Variants in CACNA2D3 observed in about 807,000 individuals in gnomAD.
The protein encoded by CACNA2D3 is calcium voltage-gated channel auxiliary subunit alpha2delta 3, also known as voltage-dependent calcium channel subunit alpha-2/delta-3.
CACNA2D3 carries 60 observed loss-of-function variants against 160.6 expected under a neutral mutation model. That is an observed-to-expected ratio of 0.37 (90% CI 0.30 to 0.46). The LOEUF is 0.46. Ranked by LOEUF, CACNA2D3 falls within the 20% of genes least tolerant of loss-of-function variation. The probability of loss-of-function intolerance (pLI) is 1.00; values close to 1 mark genes in which losing one functional copy is unlikely to be tolerated. For synonymous variants in CACNA2D3, 558 were observed against 492.9 expected, an observed-to-expected ratio of 1.13 and a Z score of -1.75; for missense variants, 1,205 against 1,365.0, an observed-to-expected ratio of 0.88 and a Z score of 1.85.
chr3:54,505,348 C>T (rs534032771), intron 5 of CACNA2D3, among the ~76,000 whole-genome samples: 1 of 152,188 alleles, frequency 6.6e-6, no homozygotes, highest in African/African-American at 2.4e-5. Flanking sequence ...TGGGACCTGT[C>T]TACTTCTTCA....
At chr3:54,788,084 G>A (rs1702675090) in intron 13 of CACNA2D3, among the ~76,000 whole-genome samples, 1 of 152,094 alleles carries the variant, frequency 6.6e-6, no homozygotes, top group Non-Finnish European at 1.5e-5. Context: ...TACTGTTACT[G>A]CATTTATATA....
intron 3 of CACNA2D3, among the ~76,000 whole-genome samples, chr3:54,374,991 G>C (rs1428293393): frequency 6.6e-6 from 1 of 152,126 alleles, no homozygotes; most frequent in Admixed American, 6.5e-5. Flanking sequence ...AGCCACTCAT[G>C]ATTGCCTGAA....
chr3:54,736,392 T>C (rs1701533118), intron 11 of CACNA2D3, among the ~76,000 whole-genome samples: 1 of 152,092 alleles, frequency 6.6e-6, no homozygotes, highest in Admixed American at 6.6e-5. Flanking sequence ...TTCTTTCTGC[T>C]AAATCTTCAT....
chr3:54,846,310 T>TA, intron 16 of CACNA2D3, 83 bp from the exon 17 acceptor site: 1 of 818,010 alleles, frequency 1.2e-6, no homozygotes, highest in Non-Finnish European at 2.0e-6. Context: ...AGCTGTAAAT[T>TA]ACTAAATGCC....
chr3:55,046,069 T>A (rs1704072787), intron 35 of CACNA2D3, among the ~76,000 whole-genome samples: 1 of 151,418 alleles, frequency 6.6e-6, no homozygotes, highest in Non-Finnish European at 1.5e-5. Context: ...CTAAAAATTT[T>A]GATAGGTTTT....
chr3:54,576,024 A>G (rs938862838), intron 8 of CACNA2D3, among the ~76,000 whole-genome samples: 7 of 152,192 alleles, frequency 4.6e-5, no homozygotes, highest in African/African-American at 1.4e-4. Flanking sequence ...CTGGTCAGCC[A>G]GGTGGAGGAA....
chr3:54,478,629 C>G (rs1264004917), intron 4 of CACNA2D3, among the ~76,000 whole-genome samples: 1 of 15,936 alleles, frequency 6.3e-5, no homozygotes, highest in Admixed American at 8.6e-4. Context: ...GAGACTCTGT[C>G]TCAAAAAAAT....
chr3:54,838,643 T>C lies in CACNA2D3; in HGVS notation c.1546T>C (p.Tyr516His). The change falls in exon 16 of 38, where the codon TAC becomes CAC. Residue 516 changes from tyrosine (Y) to histidine (H), a missense_variant. Physicochemically the swap from Tyr to His is moderately conservative, Grantham distance 83. Around this residue, in one of 3 missense-constraint regions of CACNA2D3, gnomAD observed 911 missense variants for 1,002.2 expected, o/e 0.91. Transcript: ENST00000474759. ...AGAACTTCTGAAGACCATCCCCAAA[T>C]ACAAGGTAATGAATGACCTAATCCC... ...VKELLKTIPK[Y>H]KLGIHGYAFA... 6.2e-7 allele frequency: 1 copy of C among 1,608,414 alleles called. No homozygotes were observed. Among genetic ancestry groups the C allele is most frequent in the South Asian group, 1.1e-5 (1 of 90,978 alleles).
At chr3:55,036,729 G>T (rs1446104972) in intron 35 of CACNA2D3, among the ~76,000 whole-genome samples, 2 of 152,000 alleles carry the variant, frequency 1.3e-5, no homozygotes. Context: ...GCTTCCCAAA[G>T]TGCTGGGATT....
intron 34 of CACNA2D3, among the ~76,000 whole-genome samples, chr3:55,011,642 A>G (rs1227793885): frequency 6.6e-6 from 1 of 152,180 alleles, no homozygotes; most frequent in African/African-American, 2.4e-5. Flanking sequence ...AAAAACACAT[A>G]AAATGGTGGG....
rs537289949 is a variant in CACNA2D3, at chr3:54,245,556, C to T, written c.205-74886C>T. ...ACTGCCTTCCACTTCACTGACTTGG[C>T]ACTGGCACTGAAAGCACCTTGGGCT... On this transcript the variant is annotated intron_variant, in intron 2 of 37. Coordinates refer to ENST00000474759, the MANE Select transcript of CACNA2D3 (RefSeq NM_018398.3). Among the ~76,000 whole-genome samples the T allele has an allele frequency of 1.1e-3, 162 of 152,320 alleles. 2 individuals are homozygous for T. Among genetic ancestry groups the T allele is most frequent in the Non-Finnish European group, 9.6e-4 (65 of 68,044 alleles).
chr3:54,737,234 A>G (rs950694363), intron 11 of CACNA2D3, among the ~76,000 whole-genome samples: 1 of 151,416 alleles, frequency 6.6e-6, no homozygotes, highest in Non-Finnish European at 1.5e-5. Context: ...GGAACAGAAT[A>G]TAACAAGAGG....
At chr3:54,145,786 G>C (rs725993) in intron 2 of CACNA2D3, among the ~76,000 whole-genome samples, 107,340 of 152,100 alleles carry the variant, frequency 0.71, 38,177 homozygotes, top group African/African-American at 0.79. Context: ...ATGGAAGAGT[G>C]TCCACTTTTA....
chr3:54,753,472 G>A (rs554989809), intron 12 of CACNA2D3, among the ~76,000 whole-genome samples: 36 of 152,316 alleles, frequency 2.4e-4, no homozygotes, highest in African/African-American at 7.5e-4. Context: ...GAACAGTCAC[G>A]AGATGCAGCA....
Position 54,974,975 on chromosome 3 carries a change from A to G in CACNA2D3, c.2556+5131A>G, listed in dbSNP as rs75705338. The stretch of plus-strand genomic sequence containing the variant: ...CAGGCCATATGGAGAAGGGAATTGA[A>G]TATTATTTATTGTAAAGTGATATGG... On this transcript the variant is annotated intron_variant, in intron 29 of 37. Transcript: ENST00000474759. Among the ~76,000 whole-genome samples the G allele has an allele frequency of 4.4e-3, 669 of 152,266 alleles. 8 individuals are homozygous for G. The highest frequency in any genetic ancestry group is 0.015 in the African/African-American group (639 of 41,542).
intron 11 of CACNA2D3, among the ~76,000 whole-genome samples, chr3:54,686,577 A>G (rs1034197348): frequency 6.6e-6 from 1 of 152,226 alleles, no homozygotes; most frequent in Non-Finnish European, 1.5e-5. Context: ...GTACATGGCT[A>G]TGTTTCCCAA....
At chr3:54,343,609 A>T (rs972754534) in intron 3 of CACNA2D3, among the ~76,000 whole-genome samples, 1 of 152,222 alleles carries the variant, frequency 6.6e-6, no homozygotes, top group Middle Eastern at 3.4e-3. Flanking sequence ...TTGTCTTATT[A>T]TGTTGCACAG....
intron 11 of CACNA2D3, among the ~76,000 whole-genome samples, chr3:54,661,838 ATGTGTGTATGTGTGTG>A (rs375401516): frequency 0.19 from 27,836 of 146,650 alleles, 3,043 homozygotes; most frequent in Non-Finnish European, 0.24. Flanking sequence ...CATCTCAGGG[ATGTGTGTATGTGTGTG>A]TGTGTGTGTG....
At chr3:54,500,517 C>CTTCG (rs1701273496) in intron 4 of CACNA2D3, among the ~76,000 whole-genome samples, 1 of 89,652 alleles carries the variant, frequency 1.1e-5, no homozygotes, top group South Asian at 4.0e-4. Context: ...TCCTTCCTTC[C>CTTCG]TTCCTTCCTT....
Sources: allele counts gnomAD v4.1 joint callset (sites outside exome capture counted in the v4.1 genomes callset), GRCh38; gene constraint gnomAD v4.1.1; regional missense constraint gnomAD v4.1.1; transcripts MANE v1.5; gene names NCBI Gene and HGNC (gene_info 2026-07-23, HGNC 2026-07-21).